The following PTK2 variants were observed in gnomAD, a reference collection of about 807,000 sequenced individuals.
PTK2 encodes focal adhesion kinase 1.
Under a neutral mutation model 150.1 loss-of-function variants are expected in PTK2, and 45 were observed. That is an observed-to-expected ratio of 0.30 (90% CI 0.24 to 0.38). PTK2 has a LOEUF of 0.38. Among genes scored for constraint, PTK2 ranks in the 10% least tolerant of loss-of-function variants. The pLI is 1.00. For synonymous variants in PTK2, 432 were observed against 449.2 expected (o/e 0.96, Z 0.48); for missense variants, 919 against 1,307.3 (o/e 0.70, Z 4.58).
intron 4 of PTK2, among the ~76,000 whole-genome samples, chr8:140,871,660 C>T (rs2100142594): frequency 2.0e-5 from 3 of 152,092 alleles, no homozygotes; most frequent in South Asian, 2.1e-4. Context: ...ATCAGCCAAC[C>T]GTGATGGCAT....
Position 140,919,777 on chromosome 8 carries a change from ACT to A in PTK2, c.-33+5882_-33+5883del, listed in dbSNP as rs373026693. The stretch of plus-strand genomic sequence containing the variant: ...GTAAATTTAACTCAGCAAAATATTT[ACT>A]CTGAGTATCTAATTACATAATCAAG... On this transcript the variant is annotated intron_variant, in intron 2 of 31. Coordinates refer to ENST00000522684, the Ensembl canonical transcript of PTK2. 7.4e-3 allele frequency among the ~76,000 whole-genome samples: 1,120 copies of A among 152,306 alleles called. 12 individuals are homozygous for A. The highest frequency in any genetic ancestry group is 0.025 in the African/African-American group (1,035 of 41,556).
At chr8:140,807,555 A>T (rs1466449806) in intron 10 of PTK2, among the ~76,000 whole-genome samples, 2 of 152,226 alleles carry the variant, frequency 1.3e-5, no homozygotes, top group African/African-American at 4.8e-5. Context: ...GTGCTGTTCA[A>T]CTGGTGGCAG....
chr8:140,748,877 G>T (rs1165295739), intron 17 of PTK2, among the ~76,000 whole-genome samples: 1 of 152,226 alleles, frequency 6.6e-6, no homozygotes, highest in East Asian at 1.9e-4. Context: ...ACCTGGTCCA[G>T]TGGGTCCAAA....
intron 1 of PTK2, among the ~76,000 whole-genome samples, chr8:140,983,230 T>C (rs1393033716): frequency 1.3e-5 from 2 of 151,818 alleles, no homozygotes; most frequent in Non-Finnish European, 2.9e-5. Context: ...CTACTAAAAA[T>C]GCAAAAATTA....
chr8:140,906,346 T>C lies in PTK2; in HGVS notation c.-32-15577A>G, dbSNP rs180764119. 4.6e-5 allele frequency among the ~76,000 whole-genome samples: 7 copies of C among 152,272 alleles called. No individual in the cohort carries two copies. The East Asian group carries it at 7.7e-4, about 17-fold the overall frequency. Reference sequence around the variant, plus strand: ...TCCAGCAATCCCAATACTGAATACATATTCAAAAGAAAGGAAATCAGTATA... The same window carrying C: ...TCCAGCAATCCCAATACTGAATACACATTCAAAAGAAAGGAAATCAGTATA... On this transcript the variant is annotated intron_variant, in intron 2 of 31. Transcript: ENST00000522684.
rs147994689 is a variant in PTK2 at position 140,667,723 on chromosome 8, G to T, written c.2865+546C>A. Among the ~76,000 whole-genome samples the T allele has an allele frequency of 4.3e-3, 655 of 152,216 alleles. 4 individuals are homozygous for T. Among genetic ancestry groups the T allele is most frequent in the African/African-American group, 0.015 (625 of 41,538 alleles). The stretch of plus-strand genomic sequence containing the variant: ...TTATTTATTTTTACTCTTTTTAAAA[G>T]AAAATTCAATGAACACCCACATACC... On this transcript the variant is annotated intron_variant, in intron 30 of 31. Transcript: ENST00000522684.
At chr8:140,915,064 C>T (rs567136405) in intron 2 of PTK2, among the ~76,000 whole-genome samples, 4 of 144,350 alleles carry the variant, frequency 2.8e-5, no homozygotes, top group East Asian at 2.0e-4. Flanking sequence ...AAGTCTACTA[C>T]GTCTTAGGCA....
chr8:140,795,068 A>C (rs1445836478), intron 12 of PTK2, among the ~76,000 whole-genome samples: 1 of 152,118 alleles, frequency 6.6e-6, no homozygotes, highest in Non-Finnish European at 1.5e-5. Context: ...CTCTATCCAA[A>C]GTCCTCTTAC....
rs1221140754 is a variant in PTK2 at position 140,926,190 on chromosome 8, A to G, written c.-121-441T>C. Among the ~76,000 whole-genome samples, 4 of 152,224 alleles carry G rather than the reference A, an allele frequency of 2.6e-5. No homozygotes were observed. The South Asian group carries it at 8.3e-4, about 32-fold the overall frequency. On this transcript the variant is annotated intron_variant, in intron 1 of 31. Transcript: ENST00000522684. ...TGCAGTGCTTTACATCTATTTTCTC[A>G]ATTAATACTTTAAATAACCAATAAC...
At chr8:140,873,263 C>T (rs1162594962) in intron 4 of PTK2, among the ~76,000 whole-genome samples, 3 of 152,294 alleles carry the variant, frequency 2.0e-5, no homozygotes, top group Non-Finnish European at 4.4e-5. Flanking sequence ...CTGTCAGGTC[C>T]ACAGCCTCTC....
rs188493199 is a variant in PTK2, at chr8:140,783,016, G to A, written c.1177+6458C>T. On this transcript the variant is annotated intron_variant, in intron 14 of 31. Coordinates refer to ENST00000522684, the Ensembl canonical transcript of PTK2. ...CACTTTCGGAGGCAGAGGCAGGCAG[G>A]TCGCTTGAGCCCAGGAGTTTGAGAC... Among the ~76,000 whole-genome samples, 660 of 152,152 alleles carry A rather than the reference G, an allele frequency of 4.3e-3. 4 individuals carry two copies. Among genetic ancestry groups the A allele is most frequent in the African/African-American group, 0.015 (627 of 41,498 alleles).
chr8:140,686,652 C>A (rs773752021), exon 27 of PTK2: 2 of 1,613,938 alleles, frequency 1.2e-6, no homozygotes, highest in South Asian at 1.1e-5. Context: ...AGACTTCCAT[C>A]CTCCCTGTCA....
chr8:140,972,791 G>A (rs561131146), intron 1 of PTK2, among the ~76,000 whole-genome samples: 3 of 152,108 alleles, frequency 2.0e-5, no homozygotes, highest in Non-Finnish European at 4.4e-5. Flanking sequence ...GTTTTGTCCA[G>A]CTTTAGCTTT....
intron 2 of PTK2, among the ~76,000 whole-genome samples, chr8:140,896,660 T>C (rs2100156311): frequency 1.3e-5 from 2 of 151,742 alleles, no homozygotes; most frequent in South Asian, 4.2e-4. Context: ...TAAATACTAG[T>C]GGGAAAAAAA....
chr8:140,660,740 GCA>G (rs1563754703), intron 31 of PTK2: 1 of 397,054 alleles, frequency 2.5e-6, no homozygotes, highest in Non-Finnish European at 5.1e-6. Flanking sequence ...CCCTCCCCCC[GCA>G]CACATTAAGT....
chr8:140,728,486 T>C (rs1412809775), intron 22 of PTK2, among the ~76,000 whole-genome samples: 1 of 152,204 alleles, frequency 6.6e-6, no homozygotes, highest in Non-Finnish European at 1.5e-5. Flanking sequence ...ACACAGTGTG[T>C]GTGCTTACCA....
At chr8:140,848,477 T>A (rs2100127051) in intron 5 of PTK2, among the ~76,000 whole-genome samples, 1 of 151,964 alleles carries the variant, frequency 6.6e-6, no homozygotes, top group East Asian at 1.9e-4. Context: ...GAACAAACAG[T>A]CATCAAACTG....
At chr8:140,909,426 C>T (rs2100162202) in intron 2 of PTK2, 1 of 152,138 alleles carries the variant, frequency 6.6e-6, no homozygotes, top group African/African-American at 2.4e-5. Flanking sequence ...AATTTTAAAG[C>T]AAGCCCAATC....
At chr8:140,942,641 TGTGTGC>T (rs1293981371) in intron 1 of PTK2, among the ~76,000 whole-genome samples, 25 of 152,260 alleles carry the variant, frequency 1.6e-4, no homozygotes, top group South Asian at 8.3e-4. Flanking sequence ...TGTGTGTGTG[TGTGTGC>T]GCGCATATAT....
Sources: allele counts gnomAD v4.1 joint callset (sites outside exome capture counted in the v4.1 genomes callset), GRCh38; gene constraint gnomAD v4.1.1; transcripts MANE v1.5; gene names NCBI Gene and HGNC (gene_info 2026-07-23, HGNC 2026-07-21).